The following MDGA2 variants were observed in gnomAD, a reference collection of about 807,000 sequenced individuals.
MDGA2 encodes MAM domain-containing glycosylphosphatidylinositol anchor protein 2.
Under a neutral mutation model 117.8 loss-of-function variants are expected in MDGA2, and 40 were observed. That is an observed-to-expected ratio of 0.34 (90% CI 0.26 to 0.44). MDGA2 has a LOEUF of 0.44. MDGA2 is among the 20% of genes least tolerant of loss of function. The pLI is 1.00. For missense variants in MDGA2, 1,123 were observed against 1,250.6 expected (o/e 0.90, Z 1.54); for synonymous variants, 452 against 439.0 (o/e 1.03, Z -0.37).
chr14:46,961,024 G>A (rs1034957956), intron 8 of MDGA2, among the ~76,000 whole-genome samples: 11 of 151,578 alleles, frequency 7.3e-5, no homozygotes, highest in African/African-American at 1.9e-4. Context: ...TTCTTTCAGC[G>A]CATCATTATA....
At position 47,235,720 on chromosome 14, in the gene MDGA2, G is replaced by A. The variant is rs538161225; in HGVS notation, c.421-17525C>T. ...CTTCTGCATACCAGATTATCTGGAA[G>A]GTTTGCAAAGGGAAAACATACTTCC... On this transcript the variant is annotated intron_variant, in intron 2 of 16. Coordinates refer to ENST00000399232, the MANE Select transcript of MDGA2 (RefSeq NM_001113498.3). 2.0e-3 allele frequency among the ~76,000 whole-genome samples: 300 copies of A among 152,268 alleles called. 3 individuals carry two copies. The highest frequency in any genetic ancestry group is 6.8e-3 in the Middle Eastern group (2 of 294).
chr14:46,951,203 G>GA (rs1207867860), intron 9 of MDGA2, among the ~76,000 whole-genome samples: 4 of 151,890 alleles, frequency 2.6e-5, no homozygotes, highest in Admixed American at 1.3e-4. Flanking sequence ...TATTTGGCAG[G>GA]ATTAAGGAAA....
chr14:47,104,160 A>G (rs1880503508), intron 5 of MDGA2, among the ~76,000 whole-genome samples: 1 of 152,204 alleles, frequency 6.6e-6, no homozygotes, highest in Admixed American at 6.5e-5. Flanking sequence ...CAGTAAACTA[A>G]GACTTTGCAA....
At chr14:47,154,209 G>T (rs1032401027) in intron 3 of MDGA2, among the ~76,000 whole-genome samples, 13 of 152,124 alleles carry the variant, frequency 8.5e-5, no homozygotes, top group African/African-American at 3.1e-4. Flanking sequence ...TAAAACATAA[G>T]GAGCATTAGG....
At position 47,381,817 on chromosome 14, in the gene MDGA2, C is replaced by T. The variant is rs558419449; in HGVS notation, c.281-80267G>A. 1.6e-3 allele frequency among the ~76,000 whole-genome samples: 237 copies of T among 152,292 alleles called. 1 individual carries two copies. The highest frequency in any genetic ancestry group is 5.6e-3 in the African/African-American group (231 of 41,560). ...TAATTTATAGATTCAATGCCATCCCCGTCAAGCTACCAATGACTTTCTTCA... is the reference window on the plus strand; with the variant it reads ...TAATTTATAGATTCAATGCCATCCCTGTCAAGCTACCAATGACTTTCTTCA... On this transcript the variant is annotated intron_variant, in intron 1 of 16. Coordinates refer to ENST00000399232, the MANE Select transcript of MDGA2 (RefSeq NM_001113498.3).
chr14:47,453,685 T>G (rs1358495713), intron 1 of MDGA2, among the ~76,000 whole-genome samples: 2 of 152,200 alleles, frequency 1.3e-5, no homozygotes, highest in African/African-American at 2.4e-5. Context: ...AAAGATCTTA[T>G]GGATATTAGT....
intron 1 of MDGA2, among the ~76,000 whole-genome samples, chr14:47,669,283 C>A (rs1244843385): frequency 6.6e-6 from 1 of 152,104 alleles, no homozygotes; most frequent in Non-Finnish European, 1.5e-5. Flanking sequence ...GCAAAGAAAT[C>A]AAGATCATGA....
chr14:47,379,577 C>A (rs1211197316), intron 1 of MDGA2, among the ~76,000 whole-genome samples: 1 of 152,112 alleles, frequency 6.6e-6, no homozygotes, highest in East Asian at 1.9e-4. Context: ...CAATCCTAGT[C>A]TCGGATAAAA....
In MDGA2 at chr14:47,288,600, G is replaced by A. The variant is rs143457676; in HGVS notation, c.420+12811C>T. On this transcript the variant is annotated intron_variant, in intron 2 of 16. Transcript: ENST00000399232. The stretch of plus-strand genomic sequence containing the variant: ...AACAAGAAGGGGCCAGGTTGTAGAA[G>A]ATAATGTTTTCTCATGTACCACAAG... Among the ~76,000 whole-genome samples the A allele has an allele frequency of 2.6e-4, 40 of 152,234 alleles. No homozygotes were observed. In the East Asian group the frequency reaches 7.7e-3, roughly 29 times the overall value.
chr14:47,117,112 G>C (rs1463248807), intron 5 of MDGA2, among the ~76,000 whole-genome samples: 1 of 152,036 alleles, frequency 6.6e-6, no homozygotes, highest in Admixed American at 6.6e-5. Context: ...GATTTGAACA[G>C]ACATTCTCCA....
intron 1 of MDGA2, among the ~76,000 whole-genome samples, chr14:47,357,776 T>G (rs1891028192): frequency 6.6e-6 from 1 of 152,174 alleles, no homozygotes; most frequent in South Asian, 2.1e-4. Flanking sequence ...CTAGCTTGTA[T>G]TACAACAAAA....
intron 2 of MDGA2, among the ~76,000 whole-genome samples, chr14:47,261,206 G>A (rs1887785043): frequency 6.6e-6 from 1 of 152,072 alleles, no homozygotes. Context: ...TCAATATCAT[G>A]TTCTTCAGGC....
intron 1 of MDGA2, among the ~76,000 whole-genome samples, chr14:47,411,905 T>C (rs1892380963): frequency 6.6e-6 from 1 of 152,180 alleles, no homozygotes; most frequent in Non-Finnish European, 1.5e-5. Flanking sequence ...CCAGATACTC[T>C]TGCAAATATT....
intron 2 of MDGA2, among the ~76,000 whole-genome samples, chr14:47,257,570 A>G (rs904124743): frequency 7.2e-5 from 11 of 152,158 alleles, no homozygotes; most frequent in African/African-American, 2.7e-4. Flanking sequence ...TTTTGTTCAT[A>G]AGTGGTTTGC....
At chr14:47,619,801 A>C (rs1158692626) in intron 1 of MDGA2, among the ~76,000 whole-genome samples, 1 of 152,228 alleles carries the variant, frequency 6.6e-6, no homozygotes, top group Admixed American at 6.5e-5. Flanking sequence ...ACCACAGACA[A>C]TATCTGAATA....
At chr14:47,178,103 C>A (rs187079386) in intron 3 of MDGA2, among the ~76,000 whole-genome samples, 11 of 151,710 alleles carry the variant, frequency 7.3e-5, no homozygotes, top group African/African-American at 2.7e-4. Flanking sequence ...GATTCATAAT[C>A]CAAAAATATA....
chr14:47,062,254 G>T (rs1307672056), intron 6 of MDGA2, among the ~76,000 whole-genome samples: 1 of 151,934 alleles, frequency 6.6e-6, no homozygotes, highest in East Asian at 1.9e-4. Flanking sequence ...CTCTAATGCG[G>T]ATGACCAAAA....
At chr14:47,013,941 C>T (rs1182399598) in intron 8 of MDGA2, among the ~76,000 whole-genome samples, 1 of 150,816 alleles carries the variant, frequency 6.6e-6, no homozygotes, top group Non-Finnish European at 1.5e-5. Flanking sequence ...GATTACAGGC[C>T]TGCACCACCA....
At chr14:47,353,984 A>G (rs1431504406) in intron 1 of MDGA2, among the ~76,000 whole-genome samples, 1 of 152,212 alleles carries the variant, frequency 6.6e-6, no homozygotes, top group Non-Finnish European at 1.5e-5. Flanking sequence ...TCCCTGGAAT[A>G]CAAGGATGGT....
Sources: gnomAD v4.1 joint callset for allele counts (sites outside exome capture counted in the v4.1 genomes callset) on GRCh38, gnomAD v4.1.1 for gene constraint, MANE v1.5 for transcripts, NCBI Gene and HGNC (gene_info 2026-07-23, HGNC 2026-07-21) for gene names.